Variants in CACNA2D3 observed in about 807,000 individuals in gnomAD.
CACNA2D3 encodes calcium voltage-gated channel auxiliary subunit alpha2delta 3, also known as voltage-dependent calcium channel subunit alpha-2/delta-3.
Under a neutral mutation model 160.6 loss-of-function variants are expected in CACNA2D3, and 60 were observed. The observed-to-expected ratio is 0.37, with a 90% CI of 0.30 to 0.46. The LOEUF (loss-of-function observed/expected upper bound fraction) is 0.46, where lower values mean the gene tolerates loss of function less well. CACNA2D3 is among the 20% of genes least tolerant of loss of function. The pLI, the probability that CACNA2D3 is intolerant of heterozygous loss-of-function variation, is 1.00. For missense variants in CACNA2D3, 1,205 were observed against 1,365.0 expected (o/e 0.88, Z 1.85); for synonymous variants, 558 against 492.9 (o/e 1.13, Z -1.75).
At chr3:54,802,961 G>C (rs1242595882) in intron 13 of CACNA2D3, among the ~76,000 whole-genome samples, 4 of 152,202 alleles carry the variant, frequency 2.6e-5, no homozygotes, top group African/African-American at 9.7e-5. Context: ...GTCTGAAGTG[G>C]ACCTCTAGCA....
chr3:54,640,856 T>A lies in CACNA2D3; in HGVS notation c.1054-1272T>A, dbSNP rs147972418. Among the ~76,000 whole-genome samples the A allele has an allele frequency of 4.4e-3, 674 of 152,312 alleles. 7 individuals carry two copies. The highest frequency in any genetic ancestry group is 0.015 in the African/African-American group (632 of 41,562). On this transcript the variant is annotated intron_variant, in intron 10 of 37. Transcript: ENST00000474759. The stretch of plus-strand genomic sequence containing the variant: ...CATTTAGATTTTGAAAGAGATATTG[T>A]CTCTCAAGTAGCCCATTGTTTGTAT...
chr3:54,637,720 G>T (rs1377873393), intron 10 of CACNA2D3: 1 of 152,004 alleles, frequency 6.6e-6, no homozygotes, highest in African/African-American at 2.4e-5. Context: ...ATGGTCTGCG[G>T]GGCTTCTGAG....
chr3:54,782,924 A>G (rs1349374370), intron 13 of CACNA2D3, among the ~76,000 whole-genome samples: 3 of 152,164 alleles, frequency 2.0e-5, no homozygotes, highest in South Asian at 2.1e-4. Flanking sequence ...AGCTGCCATT[A>G]TGGGGCAGGT....
At chr3:54,774,234 A>G (rs796261627) in intron 13 of CACNA2D3, among the ~76,000 whole-genome samples, 1 of 152,194 alleles carries the variant, frequency 6.6e-6, no homozygotes, top group African/African-American at 2.4e-5. Flanking sequence ...ATAAAGAACT[A>G]CCCGAGACTG....
Position 54,879,423 on chromosome 3 carries a change from C to T in CACNA2D3, c.1844+12C>T. 6.3e-7 allele frequency: 1 copy of T among 1,579,308 alleles called. No homozygotes were observed. The highest frequency in any genetic ancestry group is 2.2e-5 in the East Asian group (1 of 44,650). On this transcript the variant is annotated intron_variant, in intron 20 of 37. Coordinates refer to ENST00000474759, the MANE Select transcript of CACNA2D3 (RefSeq NM_018398.3). ...GGTACTCCTTTCAGGTAGAGCTGAC[C>T]ATAATACATGGACATTCCATCAGAC...
chr3:54,369,942 G>A (rs1193370119), intron 3 of CACNA2D3, among the ~76,000 whole-genome samples: 2 of 152,160 alleles, frequency 1.3e-5, no homozygotes, highest in African/African-American at 2.4e-5. Flanking sequence ...GTGTGTGGCC[G>A]TGTTTCTTCC....
chr3:54,308,899 G>C (rs1161802714), intron 2 of CACNA2D3, among the ~76,000 whole-genome samples: 3 of 152,282 alleles, frequency 2.0e-5, no homozygotes, highest in East Asian at 3.9e-4. Flanking sequence ...AAAAAAGTAG[G>C]CTGCAGAAAG....
chr3:54,941,521 G>T (rs1028915384), intron 27 of CACNA2D3, among the ~76,000 whole-genome samples: 1 of 152,094 alleles, frequency 6.6e-6, no homozygotes, highest in Admixed American at 6.6e-5. Context: ...ATAATGCCGG[G>T]ATTATGTGGG....
chr3:54,282,268 T>G (rs1166889225), intron 2 of CACNA2D3, among the ~76,000 whole-genome samples: 1 of 152,224 alleles, frequency 6.6e-6, no homozygotes, highest in Non-Finnish European at 1.5e-5. Context: ...TGTTTTTCAA[T>G]GAATATTTAT....
rs763789600 is a variant in CACNA2D3, at chr3:54,367,579, G to C, written c.322-19136G>C. On this transcript the variant is annotated intron_variant, in intron 3 of 37. Transcript: ENST00000474759. ...CATCAGAGTGGTAAAAACACCATGG[G>C]GGAGTTAAGGCAAGAGAGAAGCACA... 4 of 380,528 alleles carry C rather than the reference G, an allele frequency of 1.1e-5. No individual in the cohort carries two copies. In the East Asian group the frequency reaches 4.0e-4, roughly 38 times the overall value. The allele number at this position is 380,528 out of a possible 1,614,324, so 23.6% of individuals were successfully genotyped here.
chr3:54,246,113 T>C (rs531387712), intron 2 of CACNA2D3, among the ~76,000 whole-genome samples: 13 of 152,226 alleles, frequency 8.5e-5, no homozygotes, highest in Non-Finnish European at 1.6e-4. Flanking sequence ...TGTTCAGTGA[T>C]TTTGGTTGTT....
chr3:54,401,219 A>T (rs1194448300), intron 4 of CACNA2D3, among the ~76,000 whole-genome samples: 1 of 152,188 alleles, frequency 6.6e-6, no homozygotes, highest in East Asian at 1.9e-4. Flanking sequence ...AATGAATGAA[A>T]GATTGAAGAC....
chr3:54,365,374 G>A (rs1698811098), intron 3 of CACNA2D3, among the ~76,000 whole-genome samples: 1 of 152,104 alleles, frequency 6.6e-6, no homozygotes, highest in Non-Finnish European at 1.5e-5. Flanking sequence ...CATGACATGA[G>A]GAATACACAA....
chr3:54,798,987 AT>A (rs1208755634), intron 13 of CACNA2D3, among the ~76,000 whole-genome samples: 2 of 152,112 alleles, frequency 1.3e-5, no homozygotes, highest in Admixed American at 6.5e-5. Context: ...AGAGTAATTT[AT>A]TTTTTTAATC....
intron 11 of CACNA2D3, among the ~76,000 whole-genome samples, chr3:54,748,187 C>A (rs1366487003): frequency 6.6e-6 from 1 of 152,194 alleles, no homozygotes; most frequent in Non-Finnish European, 1.5e-5. Context: ...TATTTTCTGT[C>A]TGTGCAATTG....
chr3:54,709,149 A>G (rs1309259462), intron 11 of CACNA2D3, among the ~76,000 whole-genome samples: 1 of 151,416 alleles, frequency 6.6e-6, no homozygotes, highest in Non-Finnish European at 1.5e-5. Flanking sequence ...GACTGGGACT[A>G]CAGGTGCACA....
intron 4 of CACNA2D3, among the ~76,000 whole-genome samples, chr3:54,434,841 C>T (rs1412357473): frequency 1.1e-4 from 17 of 152,118 alleles, no homozygotes. Flanking sequence ...GGGTAAGCTT[C>T]GTTTTAAGGT....
At chr3:54,810,778 G>C (rs1703286619) in intron 13 of CACNA2D3, among the ~76,000 whole-genome samples, 3 of 152,194 alleles carry the variant, frequency 2.0e-5, no homozygotes, top group African/African-American at 7.2e-5. Flanking sequence ...CGTTGAGCTA[G>C]AGCACTAGAT....
intron 27 of CACNA2D3, among the ~76,000 whole-genome samples, chr3:54,919,601 G>C (rs1054213421): frequency 6.6e-6 from 1 of 151,888 alleles, no homozygotes; most frequent in African/African-American, 2.4e-5. Flanking sequence ...GCTGTTGGTC[G>C]GGGGAATTTG....
Sources: gnomAD v4.1 joint callset for allele counts (sites outside exome capture counted in the v4.1 genomes callset) on GRCh38, gnomAD v4.1.1 for gene constraint, MANE v1.5 for transcripts, NCBI Gene and HGNC (gene_info 2026-07-23, HGNC 2026-07-21) for gene names.